The following BRD3 variants were observed in gnomAD, a reference collection of about 807,000 sequenced individuals.
The protein encoded by BRD3 is bromodomain-containing protein 3.
In BRD3, 17 loss-of-function variants were observed where a neutral mutation model predicts 66.8. The observed-to-expected ratio is 0.25, with a 90% confidence interval of 0.17 to 0.38. The LOEUF is 0.38. BRD3 is among the 10% of genes least tolerant of loss of function. The pLI is 1.00. For synonymous variants in BRD3, 421 were observed against 393.2 expected, an observed-to-expected ratio of 1.07 and a Z score of -0.84; for missense variants, 713 against 956.1, an observed-to-expected ratio of 0.75 and a Z score of 3.35.
At chr9:134,051,865 G>GTTTTTTTT (rs1830305969) in intron 3 of BRD3, among the ~76,000 whole-genome samples, 156 bp from the exon 4 acceptor site, 1 of 115,050 alleles carries the variant, frequency 8.7e-6, no homozygotes, top group African/African-American at 3.8e-5. Context: ...GTGTGTGTGT[G>GTTTTTTTT]TGTGTGTGTG....
At chr9:134,061,946 T>A (rs1187364414) in intron 1 of BRD3, among the ~76,000 whole-genome samples, 1 of 152,090 alleles carries the variant, frequency 6.6e-6, no homozygotes. Context: ...ACCTAGCACC[T>A]GTCCCCAGGC....
chr9:134,040,135 C>T lies in BRD3; in HGVS notation c.1542G>A (p.Lys514=). ...CCTTGGCCTTCTTCTCTTCCTCGGC[C>T]TTCACTTTGTGCTTCTCCTTCTCCT... ...KEKEKEKHKV[K]AEEEKKAKVA... Residue 514 remains lysine (K), a synonymous_variant, in exon 9 of 12, where the codon AAG becomes AAA. Transcript: ENST00000303407. 6.4e-7 allele frequency: 1 copy of T among 1,566,744 alleles called. No individual in the cohort carries two copies. Among genetic ancestry groups the T allele is most frequent in the Non-Finnish European group, 8.6e-7 (1 of 1,156,262 alleles).
rs180753826 is a variant in BRD3, at chr9:134,038,254, A to C, written c.1643+1780T>G. On this transcript the variant is annotated intron_variant, in intron 9 of 11. Transcript: ENST00000303407. The stretch of plus-strand genomic sequence containing the variant: ...ACTGCAACCTCTACCTCCCGGGTTC[A>C]AGAGATTCTCCTGTCTCAGCCTCCT... Among the ~76,000 whole-genome samples, 754 of 152,104 alleles carry C rather than the reference A, an allele frequency of 5.0e-3. 3 individuals are homozygous for C. Among genetic ancestry groups the C allele is most frequent in the Non-Finnish European group, 6.6e-3 (451 of 68,006 alleles).
chr9:134,050,438 G>C lies in BRD3; in HGVS notation c.650C>G (p.Ala217Gly), dbSNP rs200754629. 4 of 1,612,260 alleles carry C rather than the reference G, an allele frequency of 2.5e-6. No individual in the cohort carries two copies. The highest frequency in any genetic ancestry group is 3.4e-6 in the Non-Finnish European group (4 of 1,179,628). ...GGGTGTGGCAGGAGGAGGTGGGGCG[G>C]CAGCTGGGGGGACTGGGACCGACGT... Reference protein sequence around the residue: ...NVTSVPVPPAAAPPPPATPIV... With the variant: ...NVTSVPVPPAGAPPPPATPIV... Residue 217 changes from alanine (A) to glycine (G), a missense_variant, in exon 5 of 12, where the codon GCC becomes GGC. Around this residue, in one of 5 missense-constraint regions of BRD3, gnomAD observed 120 missense variants for 122.8 expected, o/e 0.98. Transcript: ENST00000303407.
At position 134,048,274 on chromosome 9, in the gene BRD3, G is replaced by A. The variant is rs2132416365; in HGVS notation, c.895C>T (p.Pro299Ser). 6.2e-7 allele frequency: 1 copy of A among 1,607,960 alleles called. No individual in the cohort carries two copies. The highest frequency in any genetic ancestry group is 8.5e-7 in the Non-Finnish European group (1 of 1,178,510). The change falls in exon 6 of 12, where the codon CCC (proline) becomes TCC (serine). Residue 299 changes from proline to serine, a missense_variant. Around this residue, in one of 5 missense-constraint regions of BRD3, gnomAD observed 418 missense variants for 609.3 expected, o/e 0.69. Transcript: ENST00000303407. The part of the protein sequence containing the change: ...PKKDLEDGEV[P>S]QHAGKKGKLS... ...TTGCCCTTCTTGCCTGCGTGCTGGG[G>A]CACCTCGCCGTCCTCCAGGTCCTTC...
Position 134,045,269 on chromosome 9 carries a change from C to T in BRD3, c.1215+24G>A. On this transcript the variant is annotated intron_variant, in intron 7 of 11. Coordinates refer to ENST00000303407, the MANE Select transcript of BRD3 (RefSeq NM_007371.4). This position sits in a 1 kb window ranked among gnomAD's most constrained non-coding sequence, Gnocchi z 4.8. ...CCCACAGCACTGAGCTGAGCAGCCC[C>T]ACCCGTGCCCAGCCTCGGGTTACCT... is the stretch of plus-strand genomic sequence containing the variant. 6.2e-7 allele frequency: 1 copy of T among 1,612,660 alleles called. No individual in the cohort carries two copies. The highest frequency in any genetic ancestry group is 1.3e-5 in the African/African-American group (1 of 75,072).
rs1843538414 is a variant in BRD3 at position 134,033,009 on chromosome 9, G to A, written c.*581C>T. The A allele has an allele frequency of 2.5e-6, 1 of 397,556 alleles. No homozygotes were observed. The highest frequency in any genetic ancestry group is 4.4e-6 in the Non-Finnish European group (1 of 225,940). The allele number at this position is 397,556 out of a possible 1,614,324, so 24.6% of individuals were successfully genotyped here. A position where few individuals can be genotyped will look rare whatever the true frequency, so the allele number is the denominator to read the frequency against. On this transcript the variant is annotated 3_prime_UTR_variant, in exon 12 of 12. Transcript: ENST00000303407. The surrounding 1 kb of genome is among the most constrained non-coding windows in gnomAD (Gnocchi z 5.1). The stretch of plus-strand genomic sequence containing the variant: ...CACATCCCACCCGACCACCCCCCAA[G>A]GGCTCCACGCTCCGGGCTGGGGCTG...
rs1431097162 is a variant in BRD3, at chr9:134,032,400, C to T, written c.*1190G>A. On this transcript the variant is annotated 3_prime_UTR_variant, in exon 12 of 12. Coordinates refer to ENST00000303407, the MANE Select transcript of BRD3 (RefSeq NM_007371.4). ...AATAAAAAATTAGAATGTGCTGTAG[C>T]TGAAAGCTGTCTATACCTGTAAGCC... 1 of 196,066 alleles carries T rather than the reference C, an allele frequency of 5.1e-6. No homozygotes were observed. The highest frequency in any genetic ancestry group is 2.5e-5 in the African/African-American group (1 of 39,982). The allele number at this position is 196,066 out of a possible 1,614,324, so 12.1% of individuals were successfully genotyped here.
At chr9:134,063,794 C>G (rs1373609211) in intron 1 of BRD3, among the ~76,000 whole-genome samples, 1 of 152,242 alleles carries the variant, frequency 6.6e-6, no homozygotes, top group East Asian at 1.9e-4. Flanking sequence ...CCACTGGGTG[C>G]TTTGCAAAAT....
chr9:134,036,552 C>T, intron 9 of BRD3: 1 of 1,610,530 alleles, frequency 6.2e-7, no homozygotes, highest in African/African-American at 1.3e-5. Flanking sequence ...CTCTCTACAC[C>T]CCATAGGCGT....
intron 11 of BRD3, chr9:134,034,381 G>C: frequency 3.5e-6 from 1 of 286,108 alleles, no homozygotes; most frequent in Non-Finnish European, 6.6e-6. Flanking sequence ...AAAGCTCACG[G>C]TGAGCCCAGC....
chr9:134,036,180 C>T lies in BRD3; in HGVS notation c.1788G>A (p.Val596=), dbSNP rs1333126088. Residue 596 remains valine (V), a synonymous_variant, in exon 10 of 12, where the codon GTG becomes GTA. Transcript: ENST00000303407. The stretch of plus-strand genomic sequence containing the variant: ...AGGGCTCCCGAGATTGGATGATGTG[C>T]ACTACCCGGCCCAGCTTCTCCCCGG... The part of the protein sequence containing the change: ...RLPGEKLGRV[V]HIIQSREPSL... The T allele has an allele frequency of 6.2e-7, 1 of 1,614,226 alleles. No individual in the cohort carries two copies. The highest frequency in any genetic ancestry group is 1.1e-5 in the South Asian group (1 of 91,090).
chr9:134,062,263 T>C (rs1830560507), intron 1 of BRD3, among the ~76,000 whole-genome samples: 1 of 152,114 alleles, frequency 6.6e-6, no homozygotes, highest in African/African-American at 2.4e-5. Context: ...TGCAGCTGCC[T>C]GGCCGCCTGG....
Position 134,032,993 on chromosome 9 carries a change from C to T in BRD3, c.*597G>A, listed in dbSNP as rs767757258. 7.6e-6 allele frequency: 3 copies of T among 397,230 alleles called. No homozygotes were observed. Among genetic ancestry groups the T allele is most frequent in the Non-Finnish European group, 4.4e-6 (1 of 225,644 alleles). The allele number at this position is 397,230 out of a possible 1,614,324, so 24.6% of individuals were successfully genotyped here. A position where few individuals can be genotyped will look rare whatever the true frequency, so the allele number is the denominator to read the frequency against. On this transcript the variant is annotated 3_prime_UTR_variant, in exon 12 of 12. Transcript: ENST00000303407. Reference sequence around the variant, plus strand: ...CCACGAGCGGAGAACGCACATCCCACCCGACCACCCCCCAAGGGCTCCACG... The same window carrying T: ...CCACGAGCGGAGAACGCACATCCCATCCGACCACCCCCCAAGGGCTCCACG...
intron 1 of BRD3, among the ~76,000 whole-genome samples, chr9:134,062,632 C>A (rs1226178918): frequency 6.6e-6 from 1 of 152,228 alleles, no homozygotes; most frequent in Non-Finnish European, 1.5e-5. Context: ...CTACCCACTC[C>A]TCGAATAGAG....
intron 7 of BRD3, among the ~76,000 whole-genome samples, chr9:134,042,304 T>A (rs73558800): frequency 3.3e-5 from 5 of 152,088 alleles, no homozygotes; most frequent in Admixed American, 2.0e-4. Context: ...GGAAACAGTG[T>A]CTTCCCTTGA....
At chr9:134,067,511 C>T (rs950952644) in intron 1 of BRD3, among the ~76,000 whole-genome samples, 1 of 148,450 alleles carries the variant, frequency 6.7e-6, no homozygotes, top group Non-Finnish European at 1.5e-5. Flanking sequence ...TCCGCGTCCT[C>T]CCTGGGTTCC....
rs531997637 is a variant in BRD3 at position 134,042,032 on chromosome 9, GTGC to G, written c.1216-84_1216-82del. On this transcript the variant is annotated intron_variant, in intron 7 of 11. Transcript: ENST00000303407. ...GGTGTGGGCCCTCAGGGTTTCTGAG[GTGC>G]CCCTGAGGCAGCACCCACAGCTGTT... The G allele has an allele frequency of 4.1e-4, 579 of 1,412,234 alleles. 1 individual carries two copies. The highest frequency in any genetic ancestry group is 2.0e-3 in the Middle Eastern group (8 of 3,990). The allele number at this position is 1,412,234 out of a possible 1,614,324, so 87.5% of individuals were successfully genotyped here.
Position 134,045,499 on chromosome 9 carries a change from T to C in BRD3, c.1087-78A>G, listed in dbSNP as rs1390244471. 4.4e-6 allele frequency: 7 copies of C among 1,587,222 alleles called. No homozygotes were observed. The Admixed American group carries it at 1.2e-4, about 27-fold the overall frequency. Reference sequence around the variant, plus strand: ...CTCTGCCACACCCCACGAGATGAACTCTGGAGCCTCAGGAGCCACTGCCAG... The same window carrying C: ...CTCTGCCACACCCCACGAGATGAACCCTGGAGCCTCAGGAGCCACTGCCAG... On this transcript the variant is annotated intron_variant, in intron 6 of 11. Coordinates refer to ENST00000303407, the MANE Select transcript of BRD3 (RefSeq NM_007371.4). This position sits in a 1 kb window ranked among gnomAD's most constrained non-coding sequence, Gnocchi z 4.8.
Sources: allele counts gnomAD v4.1 joint callset (sites outside exome capture counted in the v4.1 genomes callset), GRCh38; gene constraint gnomAD v4.1.1; regional missense constraint gnomAD v4.1.1; non-coding constraint Gnocchi (gnomAD v3.1); transcripts MANE v1.5; gene names NCBI Gene and HGNC (gene_info 2026-07-23, HGNC 2026-07-21).